Variants in NALF1 observed in about 807,000 individuals in gnomAD.
NALF1 encodes the protein NALCN channel auxiliary factor 1, also known as family with sequence similarity 155 member A.
Under a neutral mutation model 48.4 loss-of-function variants are expected in NALF1, and 3 were observed. That is an observed-to-expected ratio of 0.06 (90% CI 0.03 to 0.16). The LOEUF is 0.16. Ranked by LOEUF, NALF1 falls within the 10% of genes least tolerant of loss-of-function variation. The pLI is 1.00. For missense variants in NALF1, 526 were observed against 571.5 expected, an observed-to-expected ratio of 0.92 and a Z score of 0.81; for synonymous variants, 262 against 245.7, an observed-to-expected ratio of 1.07 and a Z score of -0.62.
intron 1 of NALF1, among the ~76,000 whole-genome samples, chr13:107,863,071 C>T (rs567803880): frequency 2.7e-4 from 41 of 151,270 alleles, no homozygotes; most frequent in African/African-American, 9.4e-4. Flanking sequence ...GAAAATATTA[C>T]CAATTACAGA....
At chr13:107,801,898 C>G (rs1878624051) in intron 1 of NALF1, among the ~76,000 whole-genome samples, 1 of 152,162 alleles carries the variant, frequency 6.6e-6, no homozygotes. Flanking sequence ...TCCGAATTAC[C>G]CTCTGCCTTT....
intron 1 of NALF1, among the ~76,000 whole-genome samples, chr13:107,258,304 A>G (rs1436145877): frequency 6.6e-6 from 1 of 152,186 alleles, no homozygotes; most frequent in African/African-American, 2.4e-5. Context: ...AGATTGCTAA[A>G]TCTGTATTTC....
intron 1 of NALF1, among the ~76,000 whole-genome samples, chr13:107,536,357 A>G (rs1434449366): frequency 1.3e-5 from 2 of 152,194 alleles, no homozygotes; most frequent in African/African-American, 4.8e-5. Flanking sequence ...TCCAAAATCT[A>G]CAATGAACTC....
chr13:107,852,903 A>G (rs1038347979), intron 1 of NALF1, among the ~76,000 whole-genome samples: 1 of 152,178 alleles, frequency 6.6e-6, no homozygotes, highest in African/African-American at 2.4e-5. Flanking sequence ...AGGAAACAGG[A>G]ACTCTCAAAC....
intron 1 of NALF1, among the ~76,000 whole-genome samples, chr13:107,588,466 AATTGGG>A (rs1352569374): frequency 6.6e-6 from 1 of 152,056 alleles, no homozygotes; most frequent in African/African-American, 2.4e-5. Context: ...GACCCCAAAT[AATTGGG>A]TACAGAAAAA....
At chr13:107,799,283 T>C (rs1212485595) in intron 1 of NALF1, among the ~76,000 whole-genome samples, 2 of 152,200 alleles carry the variant, frequency 1.3e-5, no homozygotes, top group Non-Finnish European at 2.9e-5. Context: ...CAGACTCCTC[T>C]CATTGTGCCC....
chr13:107,782,651 C>T (rs1421435197), intron 1 of NALF1, among the ~76,000 whole-genome samples: 10 of 151,780 alleles, frequency 6.6e-5, no homozygotes, highest in Non-Finnish European at 1.3e-4. Context: ...AAGTGAGGAG[C>T]GTCTCTGCCC....
rs567699197 is a variant in NALF1 at position 107,436,256 on chromosome 13, C to T, written c.916-225501G>A. ...GAAAAATTTCCAAAGAGAAAATTCA[C>T]TTTGCTGAGAAAATAAAGGAAGTAA... On this transcript the variant is annotated intron_variant, in intron 1 of 2. Coordinates refer to ENST00000375915, the MANE Select transcript of NALF1 (RefSeq NM_001080396.3). Among the ~76,000 whole-genome samples, 6 of 152,264 alleles carry T rather than the reference C, an allele frequency of 3.9e-5. No homozygotes were observed. In the East Asian group the frequency reaches 7.7e-4, roughly 20 times the overall value.
At chr13:107,620,972 C>T (rs912525540) in intron 1 of NALF1, among the ~76,000 whole-genome samples, 1 of 151,986 alleles carries the variant, frequency 6.6e-6, no homozygotes, top group Admixed American at 6.6e-5. Flanking sequence ...ATTTCTACTG[C>T]TGTGTGTGAG....
rs185675550 is a variant in NALF1 at position 107,691,726 on chromosome 13, C to T, written c.915+173956G>A. Among the ~76,000 whole-genome samples the T allele has an allele frequency of 3.8e-4, 57 of 151,672 alleles. No homozygotes were observed. The East Asian group carries it at 7.2e-3, about 19-fold the overall frequency. Reference sequence around the variant, plus strand: ...ATGTGAAAATGAGAAAAAGGTCATACGAATAAAAATAATAGTCAAGAAGAG... The same window carrying T: ...ATGTGAAAATGAGAAAAAGGTCATATGAATAAAAATAATAGTCAAGAAGAG... On this transcript the variant is annotated intron_variant, in intron 1 of 2. Transcript: ENST00000375915.
At chr13:107,537,395 G>T (rs1434637009) in intron 1 of NALF1, among the ~76,000 whole-genome samples, 1 of 152,078 alleles carries the variant, frequency 6.6e-6, no homozygotes, top group Non-Finnish European at 1.5e-5. Flanking sequence ...TTTATTTAGT[G>T]AATGGAATCA....
chr13:107,215,005 C>G (rs1323795846), intron 1 of NALF1, among the ~76,000 whole-genome samples: 2 of 152,148 alleles, frequency 1.3e-5, no homozygotes, highest in Non-Finnish European at 2.9e-5. Flanking sequence ...AACAGGAACT[C>G]TTCTGAGAGG....
chr13:107,720,109 T>C (rs937850213), intron 1 of NALF1, among the ~76,000 whole-genome samples: 2 of 152,180 alleles, frequency 1.3e-5, no homozygotes, highest in South Asian at 2.1e-4. Flanking sequence ...CTTTATTCCA[T>C]AGCGTTTTGG....
At chr13:107,346,931 C>T (rs1174316935) in intron 1 of NALF1, among the ~76,000 whole-genome samples, 1 of 152,066 alleles carries the variant, frequency 6.6e-6, no homozygotes, top group Admixed American at 6.6e-5. Context: ...GGGAAGAAGG[C>T]TCACAGTTTT....
At chr13:107,498,598 G>A (rs1875414337) in intron 1 of NALF1, among the ~76,000 whole-genome samples, 3 of 152,164 alleles carry the variant, frequency 2.0e-5, no homozygotes, top group South Asian at 4.1e-4. Context: ...AAGACAGGGG[G>A]AGAACAACGT....
intron 1 of NALF1, among the ~76,000 whole-genome samples, chr13:107,743,865 G>A (rs1221156065): frequency 6.6e-6 from 1 of 152,152 alleles, no homozygotes; most frequent in Non-Finnish European, 1.5e-5. Context: ...TAGGCAATAG[G>A]GAGTCTTAAT....
chr13:107,366,554 T>C (rs188462625), intron 1 of NALF1, among the ~76,000 whole-genome samples: 18 of 152,320 alleles, frequency 1.2e-4, no homozygotes, highest in Non-Finnish European at 2.2e-4. Context: ...TTTCCATTTA[T>C]TTTATTCCTT....
intron 2 of NALF1, among the ~76,000 whole-genome samples, chr13:107,187,839 T>A (rs9558967): frequency 0.14 from 21,908 of 152,196 alleles, 1,747 homozygotes; most frequent in East Asian, 0.38. Context: ...CTGTCTTTTC[T>A]CTCATATACT....
In NALF1 at chr13:107,572,189, GA is replaced by G. The variant is rs75099258; in HGVS notation, c.915+293492del. Among the ~76,000 whole-genome samples, 3,669 of 152,076 alleles carry G rather than the reference GA, an allele frequency of 0.024. 379 individuals are homozygous for G. The East Asian group carries it at 0.36, about 15-fold the overall frequency. On this transcript the variant is annotated intron_variant, in intron 1 of 2. Coordinates refer to ENST00000375915, the MANE Select transcript of NALF1 (RefSeq NM_001080396.3). ...GATACTACTAAAATTGCATTTATGG[GA>G]AATAATTCTCCAGAAGCTCTTGCCT...
Sources: allele counts gnomAD v4.1 joint callset (sites outside exome capture counted in the v4.1 genomes callset), GRCh38; gene constraint gnomAD v4.1.1; transcripts MANE v1.5; gene names NCBI Gene and HGNC (gene_info 2026-07-23, HGNC 2026-07-21).